ZNF443: variants seen among roughly 807,000 people sequenced by gnomAD.
ZNF443 encodes zinc finger protein 443.
A neutral mutation model predicts 12.0 loss-of-function variants in ZNF443; 3 were observed. That is an observed-to-expected ratio of 0.25 (90% CI 0.11 to 0.64). ZNF443 has a LOEUF of 0.64. Among genes scored for constraint, ZNF443 ranks in the 30% least tolerant of loss-of-function variants. The pLI is 0.84. For synonymous variants in ZNF443, 225 were observed against 265.9 expected (o/e 0.85, Z 1.50); for missense variants, 770 against 808.8 (o/e 0.95, Z 0.58).
intron 1 of ZNF443, among the ~76,000 whole-genome samples, chr19:12,440,315 G>T (rs566209803): frequency 6.6e-6 from 1 of 152,078 alleles, no homozygotes; most frequent in Non-Finnish European, 1.5e-5. Context: ...TGTGCCTGGG[G>T]ATAAGATCTC....
At chr19:12,432,064 A>C in intron 3 of ZNF443, 84 bp from the exon 4 acceptor site, 1 of 1,110,754 alleles carries the variant, frequency 9.0e-7, no homozygotes, top group East Asian at 2.5e-5. Flanking sequence ...GTACATTTTT[A>C]ACACTATCAT....
At position 12,441,013 on chromosome 19, in the gene ZNF443, C is replaced by G. The variant is rs1200618977; in HGVS notation, c.-99G>C. ...CTGCCTCAGAACTTCCAGGTCGTCTCTCAGCTACAGAACCCAGAGCCGAGC... is the reference window on the plus strand; with the variant it reads ...CTGCCTCAGAACTTCCAGGTCGTCTGTCAGCTACAGAACCCAGAGCCGAGC... On this transcript the variant is annotated 5_prime_UTR_variant, in exon 1 of 4. Coordinates refer to ENST00000301547, the MANE Select transcript of ZNF443 (RefSeq NM_005815.5). 1.2e-6 allele frequency: 2 copies of G among 1,605,042 alleles called. No individual in the cohort carries two copies. The highest frequency in any genetic ancestry group is 1.1e-5 in the South Asian group (1 of 90,106).
At chr19:12,439,618 C>T (rs1394104873) in intron 1 of ZNF443, among the ~76,000 whole-genome samples, 2 of 152,090 alleles carry the variant, frequency 1.3e-5, no homozygotes, top group African/African-American at 2.4e-5. Flanking sequence ...TCAGGAGTAG[C>T]TGCGACTACA....
chr19:12,431,949 T>C lies in ZNF443; in HGVS notation c.223A>G (p.Lys75Glu). The C allele has an allele frequency of 6.3e-7, 1 of 1,591,140 alleles. No homozygotes were observed. Among genetic ancestry groups the C allele is most frequent in the East Asian group, 2.2e-5 (1 of 44,698 alleles). ...GTTTCTCCACATTGAGTTCCATCTT[T>C]ACTTTCAACAAATCTCTCTAACATA... is the stretch of plus-strand genomic sequence containing the variant. ...CRMLERFVESKDGTQCGETSS... is the reference protein window; with the variant it reads ...CRMLERFVESEDGTQCGETSS... Residue 75 changes from lysine to glutamate, a missense_variant, in exon 4 of 4, where the codon AAA becomes GAA. Transcript: ENST00000301547.
intron 1 of ZNF443, 100 bp downstream of exon 1, chr19:12,440,812 C>G (rs368888768): frequency 6.3e-7 from 1 of 1,599,716 alleles, no homozygotes; most frequent in South Asian, 1.1e-5. Context: ...CCGTAGATCC[C>G]GAAGTCGCCC....
rs2112852 is a variant in ZNF443 at position 12,430,042 on chromosome 19, C to T, written c.*114G>A. Reference sequence around the variant, plus strand: ...GGAAAGAAACTGAAACTACTTAAGGCTTTACCAAGTGCTTACATTCACAGG... The same window carrying T: ...GGAAAGAAACTGAAACTACTTAAGGTTTTACCAAGTGCTTACATTCACAGG... On this transcript the variant is annotated 3_prime_UTR_variant, in exon 4 of 4. Transcript: ENST00000301547. 50 of 1,578,436 alleles carry T rather than the reference C, an allele frequency of 3.2e-5. No homozygotes were observed. The highest frequency in any genetic ancestry group is 9.4e-5 in the South Asian group (8 of 85,030).
chr19:12,434,950 CTTT>C (rs34799053), intron 1 of ZNF443, among the ~76,000 whole-genome samples: 7 of 96,094 alleles, frequency 7.3e-5, no homozygotes, highest in African/African-American at 2.4e-4. Context: ...AACAAGGCTG[CTTT>C]TTTTTTTTTT....
In ZNF443 at chr19:12,430,059, A is replaced by G. The variant is rs1414866002; in HGVS notation, c.*97T>C. 6.3e-7 allele frequency: 1 copy of G among 1,588,572 alleles called. No individual in the cohort carries two copies. The highest frequency in any genetic ancestry group is 1.4e-5 in the African/African-American group (1 of 73,872). On this transcript the variant is annotated 3_prime_UTR_variant, in exon 4 of 4. Coordinates refer to ENST00000301547, the MANE Select transcript of ZNF443 (RefSeq NM_005815.5). ...ACTTAAGGCTTTACCAAGTGCTTAC[A>G]TTCACAGGGTCTATCTCCAATGTGT... is the stretch of plus-strand genomic sequence containing the variant.
Position 12,431,277 on chromosome 19 carries a change from G to C in ZNF443, c.895C>G (p.His299Asp). 3 of 1,614,166 alleles carry C rather than the reference G, an allele frequency of 1.9e-6. No individual in the cohort carries two copies. Among genetic ancestry groups the C allele is most frequent in the Non-Finnish European group, 2.5e-6 (3 of 1,179,996 alleles). ...TTCTCTCCAGTGTGAGTTCTTTCAT[G>C]TATTAGACAAGAACTGGAATCAGGG... The part of the protein sequence containing the change: ...AFPDSSSCLI[H>D]ERTHTGEKPY... The change falls in exon 4 of 4, where the codon CAT becomes GAT. Residue 299 changes from histidine (H) to aspartate (D), a missense_variant. Around this residue, in one of 3 missense-constraint regions of ZNF443, gnomAD observed 736 missense variants for 689.4 expected, o/e 1.07. Coordinates refer to ENST00000301547, the MANE Select transcript of ZNF443 (RefSeq NM_005815.5).
intron 1 of ZNF443, among the ~76,000 whole-genome samples, chr19:12,438,864 C>G (rs1247608309): frequency 6.6e-6 from 1 of 152,166 alleles, no homozygotes; most frequent in Non-Finnish European, 1.5e-5. Flanking sequence ...TTTGGGTATA[C>G]TTTGTCTTCA....
intron 1 of ZNF443, among the ~76,000 whole-genome samples, chr19:12,439,403 C>T (rs1384996588): frequency 6.6e-6 from 1 of 152,058 alleles, no homozygotes; most frequent in Non-Finnish European, 1.5e-5. Flanking sequence ...CCCAGGGGGC[C>T]ACACCTTCCA....
At chr19:12,440,771 G>A in intron 1 of ZNF443, 141 bp downstream of exon 1, 4 of 1,428,888 alleles carry the variant, frequency 2.8e-6, no homozygotes, top group Non-Finnish European at 3.9e-6. Context: ...CCCTGCGGCC[G>A]AGGGCCGACC....
Position 12,431,166 on chromosome 19 carries a change from G to C in ZNF443, c.1006C>G (p.Pro336Ala). 2 of 1,614,010 alleles carry C rather than the reference G, an allele frequency of 1.2e-6. No homozygotes were observed. Among genetic ancestry groups the C allele is most frequent in the Non-Finnish European group, 1.7e-6 (2 of 1,179,938 alleles). Residue 336 changes from proline to alanine, a missense_variant, in exon 4 of 4, where the codon CCC (proline) becomes GCC (alanine). Transcript: ENST00000301547. ...RHETTHSAEK[P>A]YACQQCGKAF... is the part of the protein sequence containing the mutation. ...TTCCCACATTGCTGACATGCATAGG[G>C]TTTCTCTGCACTGTGAGTGGTTTCA... is the stretch of plus-strand genomic sequence containing the variant.
At chr19:12,439,076 C>A (rs1970341048) in intron 1 of ZNF443, among the ~76,000 whole-genome samples, 2 of 152,014 alleles carry the variant, frequency 1.3e-5, no homozygotes, top group South Asian at 4.1e-4. Context: ...CTGTTCGCCA[C>A]CCTCCTAGGA....
chr19:12,437,413 A>AG (rs1970324047), intron 1 of ZNF443, among the ~76,000 whole-genome samples: 1 of 138,218 alleles, frequency 7.2e-6, no homozygotes, highest in Non-Finnish European at 1.5e-5. Context: ...GTCTCAAAAA[A>AG]AAAAAAGAAA....
intron 1 of ZNF443, among the ~76,000 whole-genome samples, chr19:12,438,463 G>A (rs578089070): frequency 6.6e-6 from 1 of 152,294 alleles, no homozygotes; most frequent in Non-Finnish European, 1.5e-5. Context: ...GCATTCATCT[G>A]TCAGATATAA....
intron 1 of ZNF443, among the ~76,000 whole-genome samples, chr19:12,439,600 C>A (rs904457086): frequency 3.9e-5 from 6 of 152,128 alleles, no homozygotes; most frequent in African/African-American, 1.4e-4. Flanking sequence ...CATCATCCCA[C>A]CTCAGCCTCA....
intron 1 of ZNF443, 84 bp downstream of exon 1, chr19:12,440,828 G>A: frequency 6.2e-7 from 1 of 1,609,982 alleles, no homozygotes; most frequent in South Asian, 1.1e-5. Context: ...CGCCCTTGGG[G>A]AGGCCCGGGT....
intron 1 of ZNF443, among the ~76,000 whole-genome samples, chr19:12,433,519 T>C (rs1970279211): frequency 6.6e-6 from 1 of 152,218 alleles, no homozygotes; most frequent in Non-Finnish European, 1.5e-5. Context: ...AAAGTCCTAC[T>C]ACTTATTGTG....
Sources: gnomAD v4.1 joint callset for allele counts (sites outside exome capture counted in the v4.1 genomes callset) on GRCh38, gnomAD v4.1.1 for gene constraint, gnomAD v4.1.1 regional missense constraint, MANE v1.5 for transcripts, NCBI Gene and HGNC (gene_info 2026-07-23, HGNC 2026-07-21) for gene names.